Variants in ARRB1 observed in about 807,000 individuals in gnomAD.
ARRB1 encodes the protein beta-arrestin-1.
In ARRB1, 21 loss-of-function variants were observed where a neutral mutation model predicts 56.8. That is an observed-to-expected ratio of 0.37 (90% CI 0.26 to 0.53). The LOEUF is 0.53. Ranked by LOEUF, ARRB1 falls within the 20% of genes least tolerant of loss-of-function variation. ARRB1 has a pLI of 0.88. For synonymous variants in ARRB1, 210 were observed against 218.6 expected (o/e 0.96, Z 0.35); for missense variants, 424 against 553.7 (o/e 0.77, Z 2.35).
Position 75,267,592 on chromosome 11 carries a change from C to T in ARRB1, c.1145+60G>A, listed in dbSNP as rs1472791987. The T allele has an allele frequency of 2.7e-6, 4 of 1,493,126 alleles. No individual in the cohort carries two copies. The East Asian group carries it at 9.1e-5, about 34-fold the overall frequency. The allele number at this position is 1,493,126 out of a possible 1,614,324, so 92.5% of individuals were successfully genotyped here. A position where few individuals can be genotyped will look rare whatever the true frequency, so the allele number is the denominator to read the frequency against. On this transcript the variant is annotated intron_variant, in intron 15 of 15. Transcript: ENST00000420843. Reference sequence around the variant, plus strand: ...TTAATAAGCATATATGCAAATGACCCCCTCCACCCCGCCCACCCGCGGCCC... The same window carrying T: ...TTAATAAGCATATATGCAAATGACCTCCTCCACCCCGCCCACCCGCGGCCC...
At chr11:75,323,810 G>C (rs967855237) in intron 1 of ARRB1, among the ~76,000 whole-genome samples, 3 of 152,082 alleles carry the variant, frequency 2.0e-5, no homozygotes, top group African/African-American at 7.2e-5. Flanking sequence ...TGACGGGATA[G>C]CTCCAAAGCT....
Position 75,283,299 on chromosome 11 carries a change from AG to A in ARRB1, c.341del (p.Pro114LeufsTer14), listed in dbSNP as rs764378387. 1 of 1,605,002 alleles carries A rather than the reference AG, an allele frequency of 6.2e-7. No homozygotes were observed. The highest frequency in any genetic ancestry group is 8.5e-7 in the Non-Finnish European group (1 of 1,174,706). ...GGCAGTTCCTGACCTCAAAGGTGAA[AG>A]GGTAAGCGTGCTCGCCCAGCTTCTT... ...LIKKLGEHAYPFTFEIPPNLP... is the reference protein window; with the variant it reads ...LIKKLGEHAYXFTFEIPPNLP... On this transcript the variant is annotated frameshift_variant, in exon 5 of 16. Transcript: ENST00000420843. LOFTEE classifies it high-confidence loss of function.
At chr11:75,334,029 C>A (rs967780816) in intron 1 of ARRB1, among the ~76,000 whole-genome samples, 4 of 152,150 alleles carry the variant, frequency 2.6e-5, no homozygotes, top group African/African-American at 9.7e-5. Context: ...CTGCCCCACT[C>A]CCACAGAAGG....
chr11:75,280,517 C>A (rs528206584), intron 7 of ARRB1, among the ~76,000 whole-genome samples: 168 of 152,330 alleles, frequency 1.1e-3, no homozygotes, highest in African/African-American at 3.9e-3. Flanking sequence ...CCAGCTGTTT[C>A]TGGCTGCCAG....
intron 1 of ARRB1, among the ~76,000 whole-genome samples, chr11:75,311,036 G>A (rs866014604): frequency 6.6e-6 from 1 of 152,102 alleles, no homozygotes; most frequent in Admixed American, 6.5e-5. Flanking sequence ...CCTATGAGAG[G>A]GTTATAAAGA....
intron 2 of ARRB1, 26 bp downstream of exon 2, chr11:75,289,983 G>A (rs769343103): frequency 7.2e-5 from 116 of 1,613,916 alleles, no homozygotes; most frequent in Non-Finnish European, 9.3e-5. Context: ...TCAGGGAGGC[G>A]CTGGGCGCAG....
chr11:75,336,927 T>G (rs1448025512), intron 1 of ARRB1, among the ~76,000 whole-genome samples: 1 of 152,210 alleles, frequency 6.6e-6, no homozygotes, highest in East Asian at 1.9e-4. Flanking sequence ...CTGCTAAGAT[T>G]TGAACTTGAT....
chr11:75,298,801 G>T (rs1186750401), intron 1 of ARRB1, among the ~76,000 whole-genome samples: 1 of 151,732 alleles, frequency 6.6e-6, no homozygotes, highest in Non-Finnish European at 1.5e-5. Flanking sequence ...ATGAATACAT[G>T]TATTTTTTTA....
intron 1 of ARRB1, among the ~76,000 whole-genome samples, chr11:75,302,999 C>CATTATT (rs61237959): frequency 1.4e-3 from 215 of 150,116 alleles, no homozygotes; most frequent in African/African-American, 4.4e-3. Flanking sequence ...TTATTATTAT[C>CATTATT]ATTATTATTA....
intron 1 of ARRB1, among the ~76,000 whole-genome samples, chr11:75,293,880 TC>T (rs1401334466): frequency 1.3e-5 from 2 of 152,114 alleles, no homozygotes; most frequent in African/African-American, 4.8e-5. Context: ...GGCTTCATTT[TC>T]CCCCGGTTGC....
At chr11:75,286,116 C>G (rs1255816901) in intron 3 of ARRB1, among the ~76,000 whole-genome samples, 3 of 152,126 alleles carry the variant, frequency 2.0e-5, no homozygotes, top group African/African-American at 7.2e-5. Context: ...CCAGGTCTTC[C>G]TCCTGGTGAG....
chr11:75,279,661 A>T (rs1789680), intron 7 of ARRB1, among the ~76,000 whole-genome samples: 142,244 of 152,230 alleles, frequency 0.93, 66,544 homozygotes, highest in African/African-American at 0.96. Flanking sequence ...TCTCCTTTTT[A>T]AATTTTTATT....
At chr11:75,342,324 A>AC (rs1455012641) in intron 1 of ARRB1, among the ~76,000 whole-genome samples, 5 of 149,878 alleles carry the variant, frequency 3.3e-5, no homozygotes, top group East Asian at 2.0e-4. Context: ...TCACCACCTC[A>AC]CCCCCCTTCC....
chr11:75,311,954 A>G, intron 1 of ARRB1: 1 of 1,070,276 alleles, frequency 9.3e-7, no homozygotes, highest in Non-Finnish European at 1.3e-6. Flanking sequence ...CGGCAGAGGA[A>G]CCAAGCAGCA....
At position 75,262,929 on chromosome 11, in the gene ARRB1, C is replaced by T. The variant is rs1332449261; in HGVS notation, c.*3234G>A. On this transcript the variant is annotated 3_prime_UTR_variant, in exon 16 of 16. Transcript: ENST00000420843. ...TGCAGCCAAATAACTCAGTCCTTAT[C>T]TTCATGGGGACTGAACTCTTCCCCT... Among the ~76,000 whole-genome samples the T allele has an allele frequency of 2.0e-5, 3 of 152,208 alleles. No individual in the cohort carries two copies. Among genetic ancestry groups the T allele is most frequent in the Non-Finnish European group, 2.9e-5 (2 of 68,040 alleles).
At position 75,333,643 on chromosome 11, in the gene ARRB1, G is replaced by A. The variant is rs182163889; in HGVS notation, c.20+17945C>T. On this transcript the variant is annotated intron_variant, in intron 1 of 15. Coordinates refer to ENST00000420843, the MANE Select transcript of ARRB1 (RefSeq NM_004041.5). ...TTAAGCCTTACCACAACCCTATGGG[G>A]GTGAGGAGAGGATTTTATTACCCCC... 2.0e-3 allele frequency among the ~76,000 whole-genome samples: 306 copies of A among 152,240 alleles called. 1 individual carries two copies. Among genetic ancestry groups the A allele is most frequent in the Non-Finnish European group, 1.8e-3 (121 of 68,018 alleles).
intron 1 of ARRB1, among the ~76,000 whole-genome samples, chr11:75,349,177 T>C (rs542985802): frequency 2.6e-5 from 4 of 152,166 alleles, no homozygotes; most frequent in Non-Finnish European, 5.9e-5. Context: ...AAAGGCCTCA[T>C]GGGGCTGCAG....
At chr11:75,327,786 G>A (rs772482206) in intron 1 of ARRB1, among the ~76,000 whole-genome samples, 35 of 151,598 alleles carry the variant, frequency 2.3e-4, no homozygotes, top group Admixed American at 5.3e-4. Flanking sequence ...ACGGGGTTTC[G>A]CCATGTTGGC....
intron 1 of ARRB1, among the ~76,000 whole-genome samples, chr11:75,333,918 A>C (rs1398460459): frequency 6.6e-6 from 1 of 152,150 alleles, no homozygotes; most frequent in African/African-American, 2.4e-5. Flanking sequence ...CTGAGCAGGA[A>C]AGGTCAGCTC....
Sources: allele counts gnomAD v4.1 joint callset (sites outside exome capture counted in the v4.1 genomes callset), GRCh38; gene constraint gnomAD v4.1.1; transcripts MANE v1.5; gene names NCBI Gene and HGNC (gene_info 2026-07-23, HGNC 2026-07-21).